The following SGCZ variants were observed in gnomAD, a reference collection of about 807,000 sequenced individuals.
The protein encoded by SGCZ is zeta-sarcoglycan.
In SGCZ, 40 loss-of-function variants were observed where a neutral mutation model predicts 41.3. The ratio of observed to expected loss-of-function variants is 0.97; its 90% CI spans 0.75 to 1.26. SGCZ has a LOEUF of 1.26. Ranked by LOEUF, SGCZ falls within the 50% of genes most tolerant of loss-of-function variation. The probability of loss-of-function intolerance (pLI) is 0.00; values close to 1 mark genes in which losing one functional copy is unlikely to be tolerated. For missense variants in SGCZ, 552 were observed against 369.8 expected, an observed-to-expected ratio of 1.49 and a Z score of -4.04; for synonymous variants, 206 against 137.5, an observed-to-expected ratio of 1.50 and a Z score of -3.49.
intron 1 of SGCZ, among the ~76,000 whole-genome samples, chr8:14,678,614 G>C (rs956512443): frequency 4.6e-5 from 7 of 152,312 alleles, no homozygotes; most frequent in African/African-American, 7.2e-5. Flanking sequence ...AGCCACTCTG[G>C]AAAAGGCTTT....
intron 1 of SGCZ, among the ~76,000 whole-genome samples, chr8:15,092,591 T>C (rs1806194922): frequency 6.6e-6 from 1 of 152,222 alleles, no homozygotes; most frequent in Non-Finnish European, 1.5e-5. Context: ...CTGTTTTGTA[T>C]ATTAACATCT....
chr8:14,586,899 C>T (rs1318122881), intron 1 of SGCZ, among the ~76,000 whole-genome samples: 2 of 151,802 alleles, frequency 1.3e-5, no homozygotes, highest in Non-Finnish European at 2.9e-5. Context: ...TAATAAAGTT[C>T]GTAGTGGTGA....
intron 1 of SGCZ, among the ~76,000 whole-genome samples, chr8:14,562,455 A>G (rs1292547285): frequency 6.6e-6 from 1 of 152,182 alleles, no homozygotes; most frequent in Non-Finnish European, 1.5e-5. Context: ...AAAAAGAAAT[A>G]CATTATATAA....
intron 1 of SGCZ, among the ~76,000 whole-genome samples, chr8:14,875,831 G>A (rs147312695): frequency 6.6e-6 from 1 of 152,194 alleles, no homozygotes; most frequent in Admixed American, 6.5e-5. Context: ...TTTCACATCT[G>A]GGCCACAATT....
At chr8:14,368,922 G>A (rs1803813007) in intron 2 of SGCZ, among the ~76,000 whole-genome samples, 1 of 151,778 alleles carries the variant, frequency 6.6e-6, no homozygotes, top group Non-Finnish European at 1.5e-5. Context: ...CATTACAATG[G>A]GCTTTTAACT....
intron 2 of SGCZ, among the ~76,000 whole-genome samples, chr8:14,500,587 AT>A (rs1167823474): frequency 1.3e-5 from 2 of 152,042 alleles, no homozygotes; most frequent in Admixed American, 1.3e-4. Flanking sequence ...TTTTGTGGAG[AT>A]GTGGGTATAG....
At chr8:14,749,785 A>C (rs1799445841) in intron 1 of SGCZ, among the ~76,000 whole-genome samples, 1 of 152,176 alleles carries the variant, frequency 6.6e-6, no homozygotes, top group African/African-American at 2.4e-5. Flanking sequence ...GTTTGCCTAA[A>C]GTCTGTGATC....
chr8:14,966,384 T>C (rs970102756), intron 1 of SGCZ, among the ~76,000 whole-genome samples: 23 of 151,796 alleles, frequency 1.5e-4, no homozygotes, highest in Admixed American at 3.3e-4. Flanking sequence ...TTTATTCATA[T>C]TGTCCCATCA....
At chr8:14,895,996 G>A (rs1348020721) in intron 1 of SGCZ, among the ~76,000 whole-genome samples, 1 of 152,162 alleles carries the variant, frequency 6.6e-6, no homozygotes, top group African/African-American at 2.4e-5. Context: ...TACCTGGTAA[G>A]GCAAACCATT....
intron 1 of SGCZ, among the ~76,000 whole-genome samples, chr8:14,572,383 G>A (rs1209317830): frequency 2.0e-5 from 3 of 152,114 alleles, no homozygotes; most frequent in Admixed American, 6.6e-5. Context: ...TTCAAAGGAA[G>A]AAAGAGAATT....
At chr8:15,221,244 C>T (rs77449096) in intron 1 of SGCZ, among the ~76,000 whole-genome samples, 99 of 152,082 alleles carry the variant, frequency 6.5e-4, no homozygotes, top group Non-Finnish European at 1.8e-4. Flanking sequence ...CCTGGATTTG[C>T]GAAGAAGGGT....
chr8:14,759,547 G>C (rs1799795014), intron 1 of SGCZ, among the ~76,000 whole-genome samples: 1 of 152,104 alleles, frequency 6.6e-6, no homozygotes, highest in Non-Finnish European at 1.5e-5. Flanking sequence ...ATGACATGGA[G>C]TAAACAGTCT....
At chr8:14,692,552 C>T (rs11986159) in intron 1 of SGCZ, among the ~76,000 whole-genome samples, 53,466 of 151,942 alleles carry the variant, frequency 0.35, 11,828 homozygotes, top group African/African-American at 0.63. Context: ...AGTGTATTGT[C>T]CAGGCATATT....
intron 2 of SGCZ, among the ~76,000 whole-genome samples, chr8:14,394,143 C>CTTTTTT (rs75054512): frequency 3.4e-5 from 4 of 117,496 alleles, no homozygotes; most frequent in South Asian, 3.5e-4. Context: ...CGCCCCCCAC[C>CTTTTTT]TTTTTTTTTT....
intron 1 of SGCZ, among the ~76,000 whole-genome samples, chr8:14,680,065 T>C (rs143472960): frequency 6.6e-6 from 1 of 152,204 alleles, no homozygotes; most frequent in African/African-American, 2.4e-5. Context: ...TGCACAATGA[T>C]GAAATTGTCT....
At chr8:14,853,762 G>A (rs1803435225) in intron 1 of SGCZ, among the ~76,000 whole-genome samples, 1 of 151,862 alleles carries the variant, frequency 6.6e-6, no homozygotes, top group African/African-American at 2.4e-5. Context: ...AGAGAGGAAG[G>A]GAGAAAAATA....
intron 2 of SGCZ, among the ~76,000 whole-genome samples, chr8:14,444,442 G>C (rs1307796984): frequency 6.6e-6 from 1 of 152,052 alleles, no homozygotes; most frequent in Non-Finnish European, 1.5e-5. Flanking sequence ...ACTGGATCAA[G>C]AAAATGTGGC....
At chr8:14,688,633 C>T (rs1389640929) in intron 1 of SGCZ, among the ~76,000 whole-genome samples, 1 of 152,088 alleles carries the variant, frequency 6.6e-6, no homozygotes, top group East Asian at 1.9e-4. Context: ...TAGCGTGACG[C>T]CTCCAGCATT....
At chr8:14,309,502 T>C in intron 3 of SGCZ, 3 of 1,608,954 alleles carry the variant, frequency 1.9e-6, no homozygotes, top group Non-Finnish European at 2.5e-6. Context: ...CTAATTGTGA[T>C]AAGAGAGCAG....
Sources: allele counts gnomAD v4.1 joint callset (sites outside exome capture counted in the v4.1 genomes callset), GRCh38; gene constraint gnomAD v4.1.1; transcripts MANE v1.5; gene names NCBI Gene and HGNC (gene_info 2026-07-23, HGNC 2026-07-21).